Variants in PRKACB observed in about 807,000 individuals in gnomAD.
PRKACB encodes the protein cAMP-dependent protein kinase catalytic subunit beta.
Under a neutral mutation model 51.4 loss-of-function variants are expected in PRKACB, and 16 were observed. The observed-to-expected ratio is 0.31, with a 90% CI of 0.21 to 0.47. The LOEUF (loss-of-function observed/expected upper bound fraction) is 0.47, where lower values mean the gene tolerates loss of function less well. PRKACB is among the 20% of genes least tolerant of loss of function. The pLI, the probability that PRKACB is intolerant of heterozygous loss-of-function variation, is 1.00. For missense variants in PRKACB, 309 were observed against 464.5 expected (o/e 0.67, Z 3.08); for synonymous variants, 147 against 154.4 (o/e 0.95, Z 0.35).
Position 84,089,335 on chromosome 1 carries a change from G to A in PRKACB, c.46+10964G>A, listed in dbSNP as rs182669655. The stretch of plus-strand genomic sequence containing the variant: ...GGTACCTCTTTCCCCCCTTTTTATG[G>A]TATATAGTAACTTCTTTGACATTTA... On this transcript the variant is annotated intron_variant, in intron 1 of 8. Coordinates refer to the PRKACB transcript ENST00000370688. Among the ~76,000 whole-genome samples the A allele has an allele frequency of 5.2e-3, 793 of 152,136 alleles. 24 individuals are homozygous for A. Among genetic ancestry groups the A allele is most frequent in the Admixed American group, 0.033 (510 of 15,276 alleles).
intron 1 of PRKACB, among the ~76,000 whole-genome samples, chr1:84,131,209 T>C (rs1019428016): frequency 5.9e-5 from 9 of 151,950 alleles, no homozygotes; most frequent in Admixed American, 5.2e-4. Context: ...AATACAAAAT[T>C]AGGTAGTCGT....
At chr1:84,100,074 C>T (rs1054075024) in intron 1 of PRKACB, among the ~76,000 whole-genome samples, 34 of 152,324 alleles carry the variant, frequency 2.2e-4, no homozygotes, top group Admixed American at 4.6e-4. Context: ...TTTATTGACT[C>T]ACAGTTCCAC....
At chr1:84,153,049 C>G (rs115677547) in intron 1 of PRKACB, among the ~76,000 whole-genome samples, 1 of 151,948 alleles carries the variant, frequency 6.6e-6, no homozygotes, top group Admixed American at 6.6e-5. Context: ...GGCTATTGAT[C>G]GGCGTAATTT....
intron 1 of PRKACB, among the ~76,000 whole-genome samples, chr1:84,095,717 C>T (rs959666956): frequency 6.6e-6 from 1 of 151,766 alleles, no homozygotes; most frequent in African/African-American, 2.4e-5. Context: ...AATATGTTGC[C>T]TCTATCCCGT....
At position 84,179,933 on chromosome 1, in the gene PRKACB, T is replaced by G. The variant is rs986336656; in HGVS notation, c.249+695T>G. Among the ~76,000 whole-genome samples the G allele has an allele frequency of 2.0e-5, 3 of 149,828 alleles. No homozygotes were observed. In the East Asian group the frequency reaches 5.9e-4, roughly 30 times the overall value. On this transcript the variant is annotated intron_variant, in intron 2 of 9. Transcript: ENST00000370685. ...CTACATTAGGTATTTCTCCTAATGC[T>G]ATCCCTCCCCTAGCCCCCCACCCCG...
intron 1 of PRKACB, among the ~76,000 whole-genome samples, chr1:84,162,852 G>A (rs1656389194): frequency 1.3e-5 from 2 of 151,916 alleles, no homozygotes; most frequent in African/African-American, 4.8e-5. Flanking sequence ...GATCACACAA[G>A]TTTTTGTCAA....
At chr1:84,184,159 A>G in intron 4 of PRKACB, 24 bp downstream of exon 4, 5 of 1,564,712 alleles carry the variant, frequency 3.2e-6, no homozygotes, top group Non-Finnish European at 4.3e-6. Flanking sequence ...ATATCTAAAT[A>G]AGATATTTTC....
intron 1 of PRKACB, among the ~76,000 whole-genome samples, chr1:84,169,920 A>C (rs1362182932): frequency 6.6e-6 from 1 of 151,674 alleles, no homozygotes; most frequent in Non-Finnish European, 1.5e-5. Context: ...AAAGAAAAAA[A>C]TGCAAAATTG....
chr1:84,131,503 AAC>A (rs1652208681), intron 1 of PRKACB, among the ~76,000 whole-genome samples: 1 of 152,146 alleles, frequency 6.6e-6, no homozygotes, highest in Non-Finnish European at 1.5e-5. Flanking sequence ...GGAAGTGAAA[AAC>A]AGAGAGAAGA....
intron 1 of PRKACB, among the ~76,000 whole-genome samples, chr1:84,114,977 G>T (rs115009910): frequency 6.6e-6 from 1 of 152,040 alleles, no homozygotes; most frequent in African/African-American, 2.4e-5. Flanking sequence ...TTGCTATTGC[G>T]AATAGTGCTG....
intron 9 of PRKACB, among the ~76,000 whole-genome samples, chr1:84,218,876 T>A (rs1235996225): frequency 6.6e-6 from 1 of 152,210 alleles, no homozygotes; most frequent in Non-Finnish European, 1.5e-5. Flanking sequence ...TTGATTTGCA[T>A]TTCCCTGATG....
At chr1:84,148,054 G>A (rs911989649) in intron 1 of PRKACB, among the ~76,000 whole-genome samples, 9 of 152,096 alleles carry the variant, frequency 5.9e-5, no homozygotes, top group Admixed American at 1.3e-4. Context: ...TACATCTTCC[G>A]TTTTTGCTGG....
chr1:84,198,723 C>T (rs1426095466), intron 7 of PRKACB, among the ~76,000 whole-genome samples: 1 of 150,726 alleles, frequency 6.6e-6, no homozygotes, highest in Non-Finnish European at 1.5e-5. Flanking sequence ...ACTCATTATA[C>T]AAAATTTAGA....
chr1:84,226,952 T>G lies in PRKACB; in HGVS notation c.1072-8228T>G, dbSNP rs1213382842. Among the ~76,000 whole-genome samples the G allele has an allele frequency of 7.2e-5, 11 of 152,304 alleles. No individual in the cohort carries two copies. The East Asian group carries it at 2.1e-3, about 29-fold the overall frequency. ...TTCTAATACACTGTATTTTATCTTT[T>G]TTGACATGTTAGTGTGATGAATTAT... On this transcript the variant is annotated intron_variant, in intron 9 of 9. Transcript: ENST00000370685.
chr1:84,086,054 C>T, intron 1 of PRKACB: 1 of 1,004,872 alleles, frequency 1.0e-6, no homozygotes, highest in Non-Finnish European at 1.6e-6. Flanking sequence ...GGTCAAGCAG[C>T]ATAGGAAAGT....
intron 1 of PRKACB, among the ~76,000 whole-genome samples, chr1:84,176,085 A>G (rs1661156375): frequency 6.6e-6 from 1 of 151,782 alleles, no homozygotes; most frequent in Admixed American, 6.6e-5. Flanking sequence ...GAAGTATTAG[A>G]GCTAATATTC....
rs1173682712 is a variant in PRKACB at position 84,238,112 on chromosome 1, C to A, written c.*2807C>A. 1 of 152,176 alleles carries A rather than the reference C, an allele frequency of 6.6e-6. No individual in the cohort carries two copies. The highest frequency in any genetic ancestry group is 1.5e-5 in the Non-Finnish European group (1 of 67,994). The allele number at this position is 152,176 out of a possible 1,614,324, so 9.4% of individuals were successfully genotyped here. On this transcript the variant is annotated 3_prime_UTR_variant, in exon 10 of 10. Transcript: ENST00000370685. Reference sequence around the variant, plus strand: ...TCTGTCCTAATTCCTTTCTCACTCACCGATGCTGAATACCCAGTTGAATCA... The same window carrying A: ...TCTGTCCTAATTCCTTTCTCACTCAACGATGCTGAATACCCAGTTGAATCA...
Position 84,182,295 on chromosome 1 carries a change from G to C in PRKACB, c.345G>C (p.Gln115His), listed in dbSNP as rs745646679. Reference protein sequence around the residue: ...VMLVKHKATEQYYAMKILDKQ... With the variant: ...VMLVKHKATEHYYAMKILDKQ... ...TGGTAAAACACAAAGCCACTGAACA[G>C]TATTATGCCATGAAGATCTTAGATA... Residue 115 changes from glutamine (Q) to histidine (H), a missense_variant, in exon 3 of 10, where the codon CAG becomes CAC. Physicochemically the swap from Gln to His is conservative, Grantham distance 24 (BLOSUM62 0). Coordinates refer to ENST00000370685, the MANE Select transcript of PRKACB (RefSeq NM_182948.4). The C allele has an allele frequency of 1.5e-5, 24 of 1,589,442 alleles. 1 individual carries two copies. The East Asian group carries it at 5.0e-4, about 33-fold the overall frequency.
chr1:84,089,578 A>G (rs989496725), intron 1 of PRKACB, among the ~76,000 whole-genome samples: 5 of 152,134 alleles, frequency 3.3e-5, no homozygotes, highest in Non-Finnish European at 7.4e-5. Flanking sequence ...ATATTTTGGC[A>G]TCTGGCCCAC....
Sources: gnomAD v4.1 joint callset for allele counts (sites outside exome capture counted in the v4.1 genomes callset) on GRCh38, gnomAD v4.1.1 for gene constraint, MANE v1.5 for transcripts, NCBI Gene and HGNC (gene_info 2026-07-23, HGNC 2026-07-21) for gene names.